The following SAMD3 variants were observed in gnomAD, a reference collection of about 807,000 sequenced individuals.
The protein encoded by SAMD3 is sterile alpha motif domain containing 3.
Under a neutral mutation model 58.5 loss-of-function variants are expected in SAMD3, and 63 were observed. The observed-to-expected ratio is 1.08, with a 90% CI of 0.88 to 1.33. The LOEUF (loss-of-function observed/expected upper bound fraction) is 1.33, where lower values mean the gene tolerates loss of function less well. Among genes scored for constraint, SAMD3 ranks in the 40% most tolerant of loss-of-function variants. The pLI is 0.00. For synonymous variants in SAMD3, 220 were observed against 210.3 expected, an observed-to-expected ratio of 1.05 and a Z score of -0.40; for missense variants, 604 against 608.4, an observed-to-expected ratio of 0.99 and a Z score of 0.08.
chr6:130,343,229 C>G (rs1334176635), intron 1 of SAMD3, among the ~76,000 whole-genome samples: 3 of 151,806 alleles, frequency 2.0e-5, no homozygotes, highest in Admixed American at 6.6e-5. Context: ...TCCCTGAGGT[C>G]CCCTGAGTCA....
At chr6:130,278,397 A>G (rs1231219150) in intron 2 of SAMD3, among the ~76,000 whole-genome samples, 3 of 152,180 alleles carry the variant, frequency 2.0e-5, no homozygotes, top group African/African-American at 4.8e-5. Flanking sequence ...CCGTTTCTCT[A>G]TTGCAATTCC....
At chr6:130,160,990 C>T (rs1790232948) in intron 8 of SAMD3, 2 of 150,066 alleles carry the variant, frequency 1.3e-5, no homozygotes, top group South Asian at 4.3e-4. Context: ...ACAAGCAAAA[C>T]TAAGCAATAT....
chr6:130,274,716 T>A (rs1774711062), intron 2 of SAMD3, among the ~76,000 whole-genome samples: 1 of 151,878 alleles, frequency 6.6e-6, no homozygotes, highest in Non-Finnish European at 1.5e-5. Context: ...TTAATTGGAA[T>A]CTGGAGTTCT....
chr6:130,228,546 A>G (rs1796450758), intron 2 of SAMD3, among the ~76,000 whole-genome samples: 2 of 152,144 alleles, frequency 1.3e-5, no homozygotes, highest in Non-Finnish European at 2.9e-5. Flanking sequence ...TTACATGAGC[A>G]TTTCAAGAGG....
intron 1 of SAMD3, among the ~76,000 whole-genome samples, chr6:130,220,241 C>T (rs961004212): frequency 2.0e-5 from 3 of 152,162 alleles, no homozygotes; most frequent in African/African-American, 7.2e-5. Flanking sequence ...AGCTTGTGAT[C>T]CACCTGCCTC....
At chr6:130,327,925 A>G (rs1458725872) in intron 1 of SAMD3, among the ~76,000 whole-genome samples, 1 of 152,140 alleles carries the variant, frequency 6.6e-6, no homozygotes, top group African/African-American at 2.4e-5. Context: ...TTTCAAACCA[A>G]TCAGGAGAAT....
intron 1 of SAMD3, among the ~76,000 whole-genome samples, chr6:130,343,262 G>A (rs888575241): frequency 1.3e-5 from 2 of 151,822 alleles, no homozygotes; most frequent in African/African-American, 4.8e-5. Flanking sequence ...CACAAATCGG[G>A]ATCATAAGTG....
chr6:130,269,914 C>T (rs1287554603), intron 2 of SAMD3, among the ~76,000 whole-genome samples: 1 of 151,830 alleles, frequency 6.6e-6, no homozygotes, highest in Non-Finnish European at 1.5e-5. Flanking sequence ...ATTGTCATTC[C>T]TTTTTTGATC....
intron 2 of SAMD3, among the ~76,000 whole-genome samples, chr6:130,240,107 C>T (rs1290696161): frequency 6.6e-6 from 1 of 152,240 alleles, no homozygotes; most frequent in Non-Finnish European, 1.5e-5. Context: ...AGCACAGCGC[C>T]TGGTATTATG....
chr6:130,299,247 A>G (rs1187163830), intron 2 of SAMD3, among the ~76,000 whole-genome samples: 3 of 152,158 alleles, frequency 2.0e-5, no homozygotes, highest in South Asian at 4.1e-4. Flanking sequence ...AAAAACTGAA[A>G]TCATATCATA....
At chr6:130,150,465 A>C (rs1049036713) in intron 9 of SAMD3, among the ~76,000 whole-genome samples, 4 of 152,162 alleles carry the variant, frequency 2.6e-5, no homozygotes, top group African/African-American at 7.2e-5. Context: ...AGTCTGGATT[A>C]AATTATGTTC....
chr6:130,155,768 T>C (rs181725539), intron 8 of SAMD3, among the ~76,000 whole-genome samples: 1 of 152,318 alleles, frequency 6.6e-6, no homozygotes, highest in African/African-American at 2.4e-5. Context: ...TCTACAATCC[T>C]CTTATATCAA....
At chr6:130,345,295 T>G (rs914663230) in intron 1 of SAMD3, among the ~76,000 whole-genome samples, 1 of 151,922 alleles carries the variant, frequency 6.6e-6, no homozygotes, top group Non-Finnish European at 1.5e-5. Context: ...AGCCTAGGAA[T>G]GAAAAAGGCA....
chr6:130,306,066 T>A (rs1262449008), intron 2 of SAMD3, among the ~76,000 whole-genome samples: 1 of 152,210 alleles, frequency 6.6e-6, no homozygotes. Context: ...CTAATCCCAC[T>A]GATCTAGTTA....
chr6:130,230,918 C>T (rs1051451211), intron 2 of SAMD3, among the ~76,000 whole-genome samples: 1 of 152,158 alleles, frequency 6.6e-6, no homozygotes, highest in African/African-American at 2.4e-5. Context: ...ACTTCTGAGG[C>T]CGCTACCTTT....
intron 2 of SAMD3, among the ~76,000 whole-genome samples, chr6:130,278,430 G>A (rs937331894): frequency 6.6e-6 from 1 of 152,196 alleles, no homozygotes; most frequent in African/African-American, 2.4e-5. Context: ...AAACAGCTCT[G>A]TCTAGGCAGT....
At chr6:130,349,716 T>G (rs1039527092) in intron 1 of SAMD3, among the ~76,000 whole-genome samples, 6 of 152,170 alleles carry the variant, frequency 3.9e-5, no homozygotes, top group African/African-American at 9.7e-5. Context: ...CCTAACTCAT[T>G]TTATGAGGCC....
chr6:130,233,558 G>C (rs1400326816), intron 2 of SAMD3, among the ~76,000 whole-genome samples: 1 of 152,206 alleles, frequency 6.6e-6, no homozygotes, highest in Non-Finnish European at 1.5e-5. Context: ...AAAATGTCAA[G>C]CATCTGGTTG....
chr6:130,346,774 C>T (rs569004439), intron 1 of SAMD3, among the ~76,000 whole-genome samples: 32 of 152,334 alleles, frequency 2.1e-4, no homozygotes, highest in African/African-American at 7.5e-4. Context: ...AACGGACAGA[C>T]TGTCTCCTCA....
Sources: gnomAD v4.1 joint callset for allele counts (sites outside exome capture counted in the v4.1 genomes callset) on GRCh38, gnomAD v4.1.1 for gene constraint, MANE v1.5 for transcripts, NCBI Gene and HGNC (gene_info 2026-07-23, HGNC 2026-07-21) for gene names.